KLRG2: variants seen among roughly 807,000 people sequenced by gnomAD.
The protein encoded by KLRG2 is killer cell lectin-like receptor subfamily G member 2.
A neutral mutation model predicts 35.4 loss-of-function variants in KLRG2; 39 were observed. That is an observed-to-expected ratio of 1.10 (90% CI 0.85 to 1.44). The LOEUF is 1.44. Among genes scored for constraint, KLRG2 ranks in the 40% most tolerant of loss-of-function variants. KLRG2 has a pLI of 0.00. For missense variants in KLRG2, 632 were observed against 570.9 expected (o/e 1.11, Z -1.09); for synonymous variants, 283 against 265.8 (o/e 1.06, Z -0.63).
chr7:139,449,728 C>G (rs539523719), downstream of KLRG2, among the ~76,000 whole-genome samples: 109 of 115,580 alleles, frequency 9.4e-4, no homozygotes, highest in African/African-American at 3.1e-3. Context: ...GAGACGGAGT[C>G]TCCCTCTGTC....
chr7:139,437,610 C>T, the KLRG2 span, among the ~76,000 whole-genome samples: 2 of 152,070 alleles, frequency 1.3e-5, no homozygotes, highest in Non-Finnish European at 2.9e-5. Flanking sequence ...GCATGTACCA[C>T]CACACATGGC....
downstream of KLRG2, among the ~76,000 whole-genome samples, chr7:139,451,660 G>T (rs183558792): frequency 3.5e-4 from 53 of 152,238 alleles, 1 homozygote; most frequent in East Asian, 0.01. Flanking sequence ...TGCGTGCTGG[G>T]ATGGAAAGAA....
chr7:139,441,612 T>TTA, the KLRG2 span, among the ~76,000 whole-genome samples: 1 of 145,114 alleles, frequency 6.9e-6, no homozygotes, highest in African/African-American at 2.6e-5. Context: ...ACTTAAAGTA[T>TTA]AAAAAAAAAA....
At chr7:139,435,664 C>A in the KLRG2 span, among the ~76,000 whole-genome samples, 1 of 152,164 alleles carries the variant, frequency 6.6e-6, no homozygotes, top group African/African-American at 2.4e-5. Flanking sequence ...GCTTTATCTT[C>A]TCTAGAACTT....
At chr7:139,437,997 T>C in the KLRG2 span, among the ~76,000 whole-genome samples, 1 of 152,164 alleles carries the variant, frequency 6.6e-6, no homozygotes, top group African/African-American at 2.4e-5. Flanking sequence ...GAATGGTGTG[T>C]CAGTTCTGAC....
At chr7:139,429,025 A>G in the KLRG2 span, among the ~76,000 whole-genome samples, 1 of 152,212 alleles carries the variant, frequency 6.6e-6, no homozygotes, top group African/African-American at 2.4e-5. Flanking sequence ...CCATTTAAAT[A>G]ATCACTTTAG....
At chr7:139,439,068 A>AT in the KLRG2 span, among the ~76,000 whole-genome samples, 2 of 152,156 alleles carry the variant, frequency 1.3e-5, no homozygotes, top group African/African-American at 4.8e-5. Flanking sequence ...TCCGGGAGAA[A>AT]TGAAAACACT....
chr7:139,436,681 A>G, the KLRG2 span, among the ~76,000 whole-genome samples: 1 of 152,144 alleles, frequency 6.6e-6, no homozygotes. Flanking sequence ...TGGCCTCTCT[A>G]AGGCCCTCCT....
intron 3 of KLRG2, among the ~76,000 whole-genome samples, chr7:139,467,666 C>T (rs1314294791): frequency 6.2e-4 from 93 of 150,952 alleles, no homozygotes; most frequent in African/African-American, 2.2e-3. Flanking sequence ...TCACCACTCC[C>T]TAATCTCAAG....
intron 3 of KLRG2, among the ~76,000 whole-genome samples, chr7:139,472,187 G>C (rs969878646): frequency 2.0e-5 from 3 of 152,076 alleles, no homozygotes; most frequent in Admixed American, 6.6e-5. Context: ...CGTCATGCAT[G>C]CAAAAATCTT....
chr7:139,438,865 G>A, the KLRG2 span, among the ~76,000 whole-genome samples: 6,208 of 151,186 alleles, frequency 0.041, 158 homozygotes, highest in Middle Eastern at 0.068. Context: ...AGTAGAGACG[G>A]TATTTCTCCA....
the KLRG2 span, among the ~76,000 whole-genome samples, chr7:139,433,373 T>C: frequency 6.6e-6 from 1 of 152,136 alleles, no homozygotes; most frequent in Non-Finnish European, 1.5e-5. Context: ...TTGCACAGGC[T>C]GGAGTACAAT....
At chr7:139,481,641 C>A (rs1361207661) in intron 1 of KLRG2, among the ~76,000 whole-genome samples, 1 of 152,174 alleles carries the variant, frequency 6.6e-6, no homozygotes. Flanking sequence ...ATGTGGCTTT[C>A]TGGCTGGCCC....
chr7:139,435,752 G>A, the KLRG2 span, among the ~76,000 whole-genome samples: 4 of 152,292 alleles, frequency 2.6e-5, no homozygotes, highest in Admixed American at 6.5e-5. Flanking sequence ...AGACTCACCC[G>A]TGCTGTGTGC....
downstream of KLRG2, among the ~76,000 whole-genome samples, chr7:139,449,424 G>T (rs993914373): frequency 3.9e-5 from 6 of 152,094 alleles, no homozygotes; most frequent in African/African-American, 1.4e-4. Context: ...TGGTACTCTT[G>T]TATGGGGCAC....
chr7:139,432,036 TTGTAAA>T, the KLRG2 span, among the ~76,000 whole-genome samples: 3 of 136,634 alleles, frequency 2.2e-5, no homozygotes, highest in Admixed American at 7.0e-5. Flanking sequence ...GGTTTTAAGT[TTGTAAA>T]TGTATGTTTT....
the KLRG2 span, among the ~76,000 whole-genome samples, chr7:139,438,733 T>C: frequency 2.0e-5 from 3 of 150,882 alleles, no homozygotes; most frequent in East Asian, 5.8e-4. Flanking sequence ...TGGAGTGCAA[T>C]GGCGTGATCT....
At position 139,482,885 on chromosome 7, in the gene KLRG2, C is replaced by A; in HGVS notation, c.757+1G>T. 6.8e-7 allele frequency: 1 copy of A among 1,466,114 alleles called. No homozygotes were observed. The allele number at this position is 1,466,114 out of a possible 1,614,324, so 90.8% of individuals were successfully genotyped here. On this transcript the variant is annotated splice_donor_variant, in intron 1 of 4. Transcript: ENST00000340940. LOFTEE classifies it high-confidence loss of function. Reference sequence around the variant, plus strand: ...GGCTGCCGGCGCAGGTGAGCACTCACCCGTAAGCGTTACGGCCCGGGGCAG... The same window carrying A: ...GGCTGCCGGCGCAGGTGAGCACTCAACCGTAAGCGTTACGGCCCGGGGCAG...
chr7:139,445,783 A>ATG, the KLRG2 span, among the ~76,000 whole-genome samples: 2 of 111,862 alleles, frequency 1.8e-5, no homozygotes, highest in African/African-American at 1.4e-4. Flanking sequence ...ATATATATGT[A>ATG]TATATATATG....
Sources: gnomAD v4.1 joint callset for allele counts (sites outside exome capture counted in the v4.1 genomes callset) on GRCh38, gnomAD v4.1.1 for gene constraint, MANE v1.5 for transcripts, NCBI Gene and HGNC (gene_info 2026-07-23, HGNC 2026-07-21) for gene names.